The following NUBPL variants were observed in gnomAD, a reference collection of about 807,000 sequenced individuals.
NUBPL encodes NUBP iron-sulfur cluster assembly factor, mitochondrial.
A neutral mutation model predicts 45.7 loss-of-function variants in NUBPL; 31 were observed. The ratio of observed to expected loss-of-function variants is 0.68; its 90% confidence interval spans 0.51 to 0.92. The LOEUF (loss-of-function observed/expected upper bound fraction) is 0.92. Ranked by LOEUF, NUBPL falls within the 40% of genes least tolerant of loss-of-function variation. The probability of loss-of-function intolerance (pLI) is 0.00; values close to 1 mark genes in which losing one functional copy is unlikely to be tolerated. For missense variants in NUBPL, 401 were observed against 398.7 expected (o/e 1.01, Z -0.05); for synonymous variants, 144 against 140.9 (o/e 1.02, Z -0.15).
At chr14:31,574,925 T>C (rs1362335214) in intron 3 of NUBPL, among the ~76,000 whole-genome samples, 1 of 152,162 alleles carries the variant, frequency 6.6e-6, no homozygotes, top group Non-Finnish European at 1.5e-5. Context: ...TTTTTACTGA[T>C]TTTTCCATTG....
intron 3 of NUBPL, among the ~76,000 whole-genome samples, chr14:31,588,841 C>T (rs2034066120): frequency 6.6e-6 from 1 of 150,998 alleles, no homozygotes; most frequent in South Asian, 2.1e-4. Flanking sequence ...ATTGCTTGAA[C>T]CCAGGAGGTG....
At chr14:31,776,750 C>G (rs1442277793) in intron 6 of NUBPL, among the ~76,000 whole-genome samples, 1 of 152,184 alleles carries the variant, frequency 6.6e-6, no homozygotes, top group African/African-American at 2.4e-5. Flanking sequence ...CAAATCGCCC[C>G]TTTATTATGT....
intron 4 of NUBPL, among the ~76,000 whole-genome samples, chr14:31,618,096 T>G (rs1401275277): frequency 6.6e-6 from 1 of 152,226 alleles, no homozygotes; most frequent in African/African-American, 2.4e-5. Flanking sequence ...TGGTAGTTTG[T>G]ATTTCTGTGG....
At chr14:31,651,105 C>G (rs1043344797) in intron 4 of NUBPL, among the ~76,000 whole-genome samples, 4 of 152,200 alleles carry the variant, frequency 2.6e-5, no homozygotes, top group Non-Finnish European at 5.9e-5. Flanking sequence ...AGTATCTAAA[C>G]TATAGCAGAT....
At chr14:31,563,937 G>A (rs2033366742) in intron 2 of NUBPL, among the ~76,000 whole-genome samples, 2 of 152,096 alleles carry the variant, frequency 1.3e-5, no homozygotes, top group South Asian at 2.1e-4. Flanking sequence ...TATGAAGTAG[G>A]CATTGTTTTC....
At chr14:31,605,463 A>T (rs925864397) in intron 4 of NUBPL, among the ~76,000 whole-genome samples, 1 of 152,212 alleles carries the variant, frequency 6.6e-6, no homozygotes, top group Non-Finnish European at 1.5e-5. Context: ...ATTGAGGATG[A>T]CACAGTGTTT....
At chr14:31,790,218 G>A (rs894247723) in intron 7 of NUBPL, among the ~76,000 whole-genome samples, 53 of 152,086 alleles carry the variant, frequency 3.5e-4, no homozygotes, top group African/African-American at 1.3e-3. Context: ...AGCCCCTTTG[G>A]ACAAGATTTA....
In NUBPL at chr14:31,859,532, A is replaced by C. The variant is rs1010728157; in HGVS notation, c.*352A>C. ...GACCACAGAATTAGTAATTTAAATG[A>C]TATACTAAATTTGTGTATGGGCATA... On this transcript the variant is annotated 3_prime_UTR_variant, in exon 11 of 11. Coordinates refer to ENST00000281081, the MANE Select transcript of NUBPL (RefSeq NM_025152.3). 4.3e-5 allele frequency: 15 copies of C among 347,836 alleles called. No individual in the cohort carries two copies. The highest frequency in any genetic ancestry group is 3.2e-4 in the African/African-American group (15 of 47,012). The allele number at this position is 347,836 out of a possible 1,614,324, so 21.5% of individuals were successfully genotyped here.
intron 8 of NUBPL, among the ~76,000 whole-genome samples, chr14:31,841,930 T>TTG (rs1566593620): frequency 1.6e-5 from 2 of 122,254 alleles, no homozygotes; most frequent in East Asian, 2.2e-4. Context: ...TTTTTTTTTT[T>TTG]TTTTTTTTTT....
chr14:31,561,485 C>A lies in NUBPL; in HGVS notation c.46C>A (p.Arg16=). 7.1e-7 allele frequency: 1 copy of A among 1,405,306 alleles called. No individual in the cohort carries two copies. The highest frequency in any genetic ancestry group is 9.3e-7 in the Non-Finnish European group (1 of 1,070,836). 87.1% of individuals were successfully genotyped at this position (1,405,306 alleles called of 1,614,324 possible). ...RLLLFGGVSL[R]AGGGATAPLG... Reference sequence around the variant, plus strand: ...GCTGCTTTTTGGTGGGGTGTCGCTCCGGGCTGGTGGCGGGGCCACTGCCCC... The same window carrying A: ...GCTGCTTTTTGGTGGGGTGTCGCTCAGGGCTGGTGGCGGGGCCACTGCCCC... The change falls in exon 1 of 11, where the codon CGG becomes AGG. Residue 16 remains arginine (R), a synonymous_variant. Transcript: ENST00000281081.
At chr14:31,658,010 A>G (rs2036181246) in intron 4 of NUBPL, among the ~76,000 whole-genome samples, 1 of 152,208 alleles carries the variant, frequency 6.6e-6, no homozygotes, top group Admixed American at 6.5e-5. Flanking sequence ...TCTACCTAAA[A>G]GATATGTCAG....
intron 6 of NUBPL, among the ~76,000 whole-genome samples, chr14:31,729,870 C>T (rs1200385670): frequency 6.6e-6 from 1 of 152,136 alleles, no homozygotes; most frequent in African/African-American, 2.4e-5. Flanking sequence ...CATTATCTAG[C>T]ATCATCAGTT....
intron 7 of NUBPL, among the ~76,000 whole-genome samples, chr14:31,798,172 C>A (rs1433875938): frequency 6.6e-6 from 1 of 152,124 alleles, no homozygotes; most frequent in Non-Finnish European, 1.5e-5. Flanking sequence ...ATGAGTGCCT[C>A]ACCCTGACTG....
chr14:31,596,462 A>T (rs1262459217), intron 3 of NUBPL, among the ~76,000 whole-genome samples: 2 of 150,352 alleles, frequency 1.3e-5, no homozygotes, highest in Non-Finnish European at 3.0e-5. Flanking sequence ...ATGTTGGCTA[A>T]CTATGACATG....
At chr14:31,818,707 C>G (rs962623839) in intron 7 of NUBPL, among the ~76,000 whole-genome samples, 2 of 152,176 alleles carry the variant, frequency 1.3e-5, no homozygotes, top group Non-Finnish European at 2.9e-5. Context: ...GGCCACCACG[C>G]CCGGCTAATG....
intron 6 of NUBPL, among the ~76,000 whole-genome samples, chr14:31,770,515 A>G (rs1241790364): frequency 6.6e-6 from 1 of 152,222 alleles, no homozygotes; most frequent in Non-Finnish European, 1.5e-5. Context: ...CTTAGGTTCT[A>G]CAATAGCGAT....
intron 3 of NUBPL, among the ~76,000 whole-genome samples, chr14:31,587,535 C>T (rs2034025671): frequency 6.6e-6 from 1 of 152,136 alleles, no homozygotes; most frequent in Non-Finnish European, 1.5e-5. Flanking sequence ...ACACAAATTT[C>T]TGTACAACTA....
chr14:31,637,901 G>A (rs1227991927), intron 4 of NUBPL, among the ~76,000 whole-genome samples: 3 of 152,154 alleles, frequency 2.0e-5, no homozygotes, highest in African/African-American at 7.2e-5. Flanking sequence ...TCAGAGACTA[G>A]GATTGCAACG....
intron 7 of NUBPL, among the ~76,000 whole-genome samples, chr14:31,811,024 G>A (rs561072485): frequency 1.6e-4 from 24 of 152,222 alleles, no homozygotes; most frequent in Non-Finnish European, 2.8e-4. Flanking sequence ...TGGTTAACCC[G>A]CCCTTTCTCT....
Sources: allele counts gnomAD v4.1 joint callset (sites outside exome capture counted in the v4.1 genomes callset), GRCh38; gene constraint gnomAD v4.1.1; transcripts MANE v1.5; gene names NCBI Gene and HGNC (gene_info 2026-07-23, HGNC 2026-07-21).